Variants in TYW1B observed in about 807,000 individuals in gnomAD.
The protein encoded by TYW1B is S-adenosyl-L-methionine-dependent tRNA 4-demethylwyosine synthase TYW1B.
TYW1B carries 73 observed loss-of-function variants against 86.9 expected under a neutral mutation model. The ratio of observed to expected loss-of-function variants is 0.84; its 90% CI spans 0.70 to 1.02. The LOEUF (loss-of-function observed/expected upper bound fraction) is 1.02, where lower values mean the gene tolerates loss of function less well. Among genes scored for constraint, TYW1B ranks in the 50% least tolerant of loss-of-function variants. The pLI is 0.00. For synonymous variants in TYW1B, 248 were observed against 292.8 expected (o/e 0.85, Z 1.56); for missense variants, 637 against 827.4 (o/e 0.77, Z 2.82).
chr7:72,580,102 G>A (rs1811118035), intron 13 of TYW1B, among the ~76,000 whole-genome samples: 1 of 152,052 alleles, frequency 6.6e-6, no homozygotes, highest in African/African-American at 2.4e-5. Context: ...GGGAGGGGAG[G>A]GGGGCCACAA....
intron 11 of TYW1B, among the ~76,000 whole-genome samples, chr7:72,690,936 A>G (rs1202738759): frequency 5.9e-5 from 9 of 152,008 alleles, no homozygotes; most frequent in Non-Finnish European, 1.0e-4. Context: ...TATCTGTAGT[A>G]GAGACGGGGT....
At chr7:72,587,231 G>A (rs1811296873) in intron 13 of TYW1B, among the ~76,000 whole-genome samples, 1 of 152,098 alleles carries the variant, frequency 6.6e-6, no homozygotes, top group South Asian at 2.1e-4. Flanking sequence ...ACTGAGGGGT[G>A]ATTTTTAGAC....
chr7:72,603,261 T>C (rs1320186905), intron 13 of TYW1B, among the ~76,000 whole-genome samples: 2 of 149,790 alleles, frequency 1.3e-5, no homozygotes, highest in African/African-American at 4.9e-5. Flanking sequence ...GATGGATGGA[T>C]GGATGGACAG....
intron 2 of TYW1B, among the ~76,000 whole-genome samples, chr7:72,824,336 C>T (rs1472020882): frequency 6.6e-6 from 1 of 152,174 alleles, no homozygotes; most frequent in African/African-American, 2.4e-5. Flanking sequence ...CCTGGTGGCT[C>T]ATGCCTATCA....
chr7:72,723,125 G>A (rs1786935327), intron 9 of TYW1B: 1 of 759,560 alleles, frequency 1.3e-6, no homozygotes, highest in South Asian at 2.5e-5. Context: ...CTACCCCCAG[G>A]GCTTGTATAT....
chr7:72,760,317 G>A (rs557642815), intron 7 of TYW1B, among the ~76,000 whole-genome samples: 6 of 152,316 alleles, frequency 3.9e-5, no homozygotes, highest in East Asian at 3.9e-4. Flanking sequence ...CATGAAAACT[G>A]CTGTACCCAA....
At chr7:72,646,656 G>T (rs376373900) in intron 11 of TYW1B, among the ~76,000 whole-genome samples, 15 of 152,128 alleles carry the variant, frequency 9.9e-5, no homozygotes, top group African/African-American at 3.6e-4. Flanking sequence ...TTACAGGTGT[G>T]AGCCACCACG....
rs1273788173 is a variant in TYW1B, at chr7:72,731,542, T to TA, written c.1083-2612dup. 2.4e-4 allele frequency among the ~76,000 whole-genome samples: 37 copies of TA among 151,252 alleles called. No individual in the cohort carries two copies. In the South Asian group the frequency reaches 4.0e-3, roughly 16 times the overall value. On this transcript the variant is annotated intron_variant, in intron 8 of 13. Transcript: ENST00000620995. ...AAGATATAAACTGGCTGAATGAATT[T>TA]AAAAAAAAACACCCAACTATTTGTT...
chr7:72,657,264 C>T (rs1361404988), intron 11 of TYW1B, among the ~76,000 whole-genome samples: 2 of 151,968 alleles, frequency 1.3e-5, no homozygotes, highest in Non-Finnish European at 2.9e-5. Context: ...AACTTCTGAA[C>T]TTGAAGACAA....
chr7:72,629,574 T>C (rs1812433949), intron 11 of TYW1B, among the ~76,000 whole-genome samples: 1 of 151,786 alleles, frequency 6.6e-6, no homozygotes, highest in Non-Finnish European at 1.5e-5. Context: ...AGAGACAGAG[T>C]CTCGCTCTGT....
chr7:72,751,962 G>A (rs566691913), intron 7 of TYW1B, among the ~76,000 whole-genome samples: 4 of 152,350 alleles, frequency 2.6e-5, no homozygotes, highest in Non-Finnish European at 5.9e-5. Context: ...TCTCAGTGGA[G>A]AAGGAGAATG....
At chr7:72,755,095 C>T (rs1787563820) in intron 7 of TYW1B, among the ~76,000 whole-genome samples, 1 of 152,046 alleles carries the variant, frequency 6.6e-6, no homozygotes, top group South Asian at 2.1e-4. Context: ...GGGTTTAGCA[C>T]ACTGCTATCA....
chr7:72,719,833 A>C (rs1417502689), intron 9 of TYW1B, among the ~76,000 whole-genome samples: 1 of 152,132 alleles, frequency 6.6e-6, no homozygotes, highest in Non-Finnish European at 1.5e-5. Context: ...ACGGAAGAGC[A>C]TTCCAGTCGG....
intron 10 of TYW1B, among the ~76,000 whole-genome samples, chr7:72,709,694 C>T (rs1211935994): frequency 2.8e-4 from 43 of 152,122 alleles, no homozygotes; most frequent in Non-Finnish European, 4.9e-4. Flanking sequence ...ATTCCAAAAG[C>T]GTAACCTCTA....
chr7:72,807,684 A>C (rs1180751467), intron 4 of TYW1B, among the ~76,000 whole-genome samples: 1 of 152,212 alleles, frequency 6.6e-6, no homozygotes, highest in Non-Finnish European at 1.5e-5. Flanking sequence ...AACAGGAGTT[A>C]ACAAAATAAA....
intron 10 of TYW1B, among the ~76,000 whole-genome samples, chr7:72,712,336 C>A (rs1786685467): frequency 6.6e-6 from 1 of 151,596 alleles, no homozygotes; most frequent in African/African-American, 2.4e-5. Context: ...CCAATAGCAT[C>A]TTTTTTTTTG....
At chr7:72,677,322 T>G (rs536718384) in intron 11 of TYW1B, among the ~76,000 whole-genome samples, 2 of 151,946 alleles carry the variant, frequency 1.3e-5, no homozygotes, top group Non-Finnish European at 2.9e-5. Flanking sequence ...TGATTTTTTT[T>G]TTTTTGGTAG....
intron 8 of TYW1B, among the ~76,000 whole-genome samples, chr7:72,731,393 C>CAAAAAAAAAAAAA (rs59262388): frequency 9.1e-5 from 3 of 33,056 alleles, no homozygotes; most frequent in Non-Finnish European, 1.0e-4. Context: ...TACCAAACTG[C>CAAAAAAAAAAAAA]AAAAAAAAAA....
At chr7:72,686,574 G>C (rs1202686846) in intron 11 of TYW1B, among the ~76,000 whole-genome samples, 1 of 152,134 alleles carries the variant, frequency 6.6e-6, no homozygotes, top group South Asian at 2.1e-4. Flanking sequence ...AACAGGCAGA[G>C]TACAGGAGAT....
Sources: gnomAD v4.1 joint callset for allele counts (sites outside exome capture counted in the v4.1 genomes callset) on GRCh38, gnomAD v4.1.1 for gene constraint, MANE v1.5 for transcripts, NCBI Gene and HGNC (gene_info 2026-07-23, HGNC 2026-07-21) for gene names.